CST8: variants seen among roughly 807,000 people sequenced by gnomAD.
CST8 encodes cystatin 8, also known as cystatin-8.
A neutral mutation model predicts 11.8 loss-of-function variants in CST8; 20 were observed. The observed-to-expected ratio is 1.70, with a 90% CI of 1.20 to 2.47. The LOEUF (loss-of-function observed/expected upper bound fraction) is 2.47, where lower values mean the gene tolerates loss of function less well. Among genes scored for constraint, CST8 ranks in the 30% most tolerant of loss-of-function variants. The probability of loss-of-function intolerance (pLI) is 0.00; values close to 1 mark genes in which losing one functional copy is unlikely to be tolerated. For synonymous variants in CST8, 77 were observed against 63.1 expected (o/e 1.22, Z -1.05); for missense variants, 196 against 167.2 (o/e 1.17, Z -0.95).
downstream of CST8, among the ~76,000 whole-genome samples, chr20:23,500,074 C>T (rs935148235): frequency 1.3e-5 from 2 of 151,224 alleles, no homozygotes; most frequent in East Asian, 1.9e-4. Flanking sequence ...AGAGGAGAGG[C>T]GGGGAGGGAG....
At chr20:23,501,508 G>T in the CST8 span, among the ~76,000 whole-genome samples, 31 of 152,188 alleles carry the variant, frequency 2.0e-4, no homozygotes, top group African/African-American at 7.0e-4. Flanking sequence ...CCTACCGCTC[G>T]CTATGGAGGG....
chr20:23,491,344 T>G lies in CST8; in HGVS notation c.-144+2T>G. ...ATAACAAGAGTGACGCTCACAGGGGTAGGCATAGACACACTGGGGCCGAAG... is the reference window on the plus strand; with the variant it reads ...ATAACAAGAGTGACGCTCACAGGGGGAGGCATAGACACACTGGGGCCGAAG... On this transcript the variant is annotated splice_donor_variant, in intron 1 of 3. Transcript: ENST00000246012. LOFTEE classifies it low-confidence loss of function (5UTR_SPLICE). 2 of 349,736 alleles carry G rather than the reference T, an allele frequency of 5.7e-6. No individual in the cohort carries two copies. Among genetic ancestry groups the G allele is most frequent in the South Asian group, 3.7e-5 (1 of 27,102 alleles). The allele number at this position is 349,736 out of a possible 1,614,324, so 21.7% of individuals were successfully genotyped here.
intron 3 of CST8, among the ~76,000 whole-genome samples, chr20:23,495,538 G>T (rs976346026): frequency 6.6e-6 from 1 of 152,048 alleles, no homozygotes; most frequent in Non-Finnish European, 1.5e-5. Flanking sequence ...GTATTAAAGG[G>T]AATTAAACAT....
intron 3 of CST8, among the ~76,000 whole-genome samples, chr20:23,494,099 A>G (rs1468930704): frequency 6.6e-6 from 1 of 152,176 alleles, no homozygotes; most frequent in Non-Finnish European, 1.5e-5. Context: ...AACAAACCCT[A>G]TCATTTCCAG....
intron 3 of CST8, among the ~76,000 whole-genome samples, chr20:23,494,312 A>AATTGTTCTC (rs1164104792): frequency 6.6e-6 from 1 of 152,192 alleles, no homozygotes; most frequent in Non-Finnish European, 1.5e-5. Context: ...CATTAAAGAA[A>AATTGTTCTC]ATTGTTCTCA....
chr20:23,491,661 A>G lies in CST8; in HGVS notation c.-7A>G, dbSNP rs959769480. 3.7e-6 allele frequency: 6 copies of G among 1,611,844 alleles called. No homozygotes were observed. In the African/African-American group the frequency reaches 4.0e-5, roughly 11 times the overall value. ...GAGAGTCGACTTTGCCTCTTGCCCA[A>G]GGGACCATGCCCAGGTGCCGGTGGC... On this transcript the variant is annotated 5_prime_UTR_variant, in exon 2 of 4. Coordinates refer to ENST00000246012, the MANE Select transcript of CST8 (RefSeq NM_005492.4).
chr20:23,502,701 C>T, the CST8 span, among the ~76,000 whole-genome samples: 1 of 152,192 alleles, frequency 6.6e-6, no homozygotes, highest in Non-Finnish European at 1.5e-5. Flanking sequence ...ACTGAACCTC[C>T]ACACTTCATA....
downstream of CST8, among the ~76,000 whole-genome samples, chr20:23,496,958 C>A (rs2983294): frequency 0.36 from 54,942 of 152,000 alleles, 11,730 homozygotes; most frequent in Non-Finnish European, 0.47. Context: ...TCAAGGTGCC[C>A]AGATTTCATA....
At chr20:23,497,648 C>T (rs921536527), downstream of CST8, among the ~76,000 whole-genome samples, 2 of 152,192 alleles carry the variant, frequency 1.3e-5, no homozygotes, top group East Asian at 1.9e-4. Flanking sequence ...GGAGGCCTCA[C>T]AATCACGGCA....
chr20:23,493,871 G>C (rs1339884660), intron 3 of CST8, among the ~76,000 whole-genome samples: 3 of 152,148 alleles, frequency 2.0e-5, no homozygotes, highest in Admixed American at 6.5e-5. Context: ...CTGATGACCG[G>C]GTTCCACCGG....
At chr20:23,494,743 T>C (rs1339670588) in intron 3 of CST8, among the ~76,000 whole-genome samples, 1 of 152,256 alleles carries the variant, frequency 6.6e-6, no homozygotes, top group Non-Finnish European at 1.5e-5. Flanking sequence ...CAGAGTTCTT[T>C]GGAAGAAAAG....
the CST8 span, among the ~76,000 whole-genome samples, chr20:23,505,336 G>C: frequency 6.6e-6 from 1 of 151,932 alleles, no homozygotes; most frequent in Non-Finnish European, 1.5e-5. Flanking sequence ...AGTAAAGACG[G>C]GGTTTCACTG....
the CST8 span, among the ~76,000 whole-genome samples, chr20:23,504,738 A>G: frequency 6.6e-6 from 1 of 152,238 alleles, no homozygotes; most frequent in South Asian, 2.1e-4. Flanking sequence ...AATGACTTCA[A>G]GGAGGGAAAA....
chr20:23,500,174 C>T (rs1195013804), downstream of CST8, among the ~76,000 whole-genome samples: 1 of 152,060 alleles, frequency 6.6e-6, no homozygotes, highest in African/African-American at 2.4e-5. Context: ...AGGGATCTAC[C>T]CAAGCACCTC....
chr20:23,499,049 T>C (rs1988125156), downstream of CST8, among the ~76,000 whole-genome samples: 2 of 152,136 alleles, frequency 1.3e-5, no homozygotes, highest in African/African-American at 4.8e-5. Context: ...TCTTTCCTGA[T>C]AGATAGGTGA....
chr20:23,504,449 C>T, the CST8 span, among the ~76,000 whole-genome samples: 1 of 152,134 alleles, frequency 6.6e-6, no homozygotes, highest in Non-Finnish European at 1.5e-5. Flanking sequence ...GGAAGTGTGT[C>T]CTGGGCTGCT....
intron 3 of CST8, among the ~76,000 whole-genome samples, chr20:23,494,388 A>T (rs77807312): frequency 1.9e-3 from 286 of 152,316 alleles, no homozygotes; most frequent in African/African-American, 6.2e-3. Flanking sequence ...ATGTTCAAGC[A>T]GACATTTGTC....
Position 23,495,988 on chromosome 20 carries a change from C to T in CST8, c.*74C>T. The T allele has an allele frequency of 8.4e-7, 1 of 1,188,164 alleles. No individual in the cohort carries two copies. The highest frequency in any genetic ancestry group is 1.2e-6 in the Non-Finnish European group (1 of 815,960). The allele number at this position is 1,188,164 out of a possible 1,614,324, so 73.6% of individuals were successfully genotyped here. A position where few individuals can be genotyped will look rare whatever the true frequency, so the allele number is the denominator to read the frequency against. On this transcript the variant is annotated 3_prime_UTR_variant, in exon 4 of 4. Coordinates refer to ENST00000246012, the MANE Select transcript of CST8 (RefSeq NM_005492.4). Reference sequence around the variant, plus strand: ...AAATGAAGCAATGGCAGGTGGGAGGCTCTTCCCAATGTGCTTTCTTCATGC... The same window carrying T: ...AAATGAAGCAATGGCAGGTGGGAGGTTCTTCCCAATGTGCTTTCTTCATGC...
chr20:23,493,943 G>GTGCTAC (rs1987966588), intron 3 of CST8, among the ~76,000 whole-genome samples: 1 of 152,146 alleles, frequency 6.6e-6, no homozygotes, highest in Admixed American at 6.5e-5. Flanking sequence ...TTCCTGAGTG[G>GTGCTAC]TGCTACTGCT....
Sources: gnomAD v4.1 joint callset for allele counts (sites outside exome capture counted in the v4.1 genomes callset) on GRCh38, gnomAD v4.1.1 for gene constraint, MANE v1.5 for transcripts, NCBI Gene and HGNC (gene_info 2026-07-23, HGNC 2026-07-21) for gene names.